Variants in DCAF7 observed in about 807,000 individuals in gnomAD.
DCAF7 encodes DDB1- and CUL4-associated factor 7.
In DCAF7, 4 loss-of-function variants were observed where a neutral mutation model predicts 41.2. That is an observed-to-expected ratio of 0.10 (90% CI 0.05 to 0.22). The LOEUF (loss-of-function observed/expected upper bound fraction) is 0.22. DCAF7 is among the 10% of genes least tolerant of loss of function. The pLI, the probability that DCAF7 is intolerant of heterozygous loss-of-function variation, is 1.00. For synonymous variants in DCAF7, 143 were observed against 164.2 expected, an observed-to-expected ratio of 0.87 and a Z score of 0.99; for missense variants, 131 against 443.2, an observed-to-expected ratio of 0.30 and a Z score of 6.32.
chr17:63,585,232 G>A lies in DCAF7; in HGVS notation c.760G>A (p.Val254Ile). 5 of 1,613,918 alleles carry A rather than the reference G, an allele frequency of 3.1e-6. No homozygotes were observed. The highest frequency in any genetic ancestry group is 1.1e-5 in the South Asian group (1 of 91,070). The change falls in exon 6 of 7, where the codon GTT (valine) becomes ATT (isoleucine). Residue 254 changes from valine to isoleucine, a missense_variant. Physicochemically the swap from Val to Ile is conservative, Grantham distance 29 (BLOSUM62 3). Transcript: ENST00000614556. Reference sequence around the variant, plus strand: ...GCAGGTGGTGATTCTAGATGTCCGGGTTCCCTGCACACCTGTCGCCAGGTT... The same window carrying A: ...GCAGGTGGTGATTCTAGATGTCCGGATTCCCTGCACACCTGTCGCCAGGTT... Reference protein sequence around the residue: ...GMEVVILDVRVPCTPVARLNN... With the variant: ...GMEVVILDVRIPCTPVARLNN...
intron 1 of DCAF7, among the ~76,000 whole-genome samples, chr17:63,576,289 A>T (rs915233966): frequency 1.3e-5 from 2 of 152,056 alleles, no homozygotes; most frequent in Non-Finnish European, 1.5e-5. Context: ...TAAAAATATT[A>T]AAAAATTAGC....
At chr17:63,562,419 A>T (rs1434144510) in intron 1 of DCAF7, among the ~76,000 whole-genome samples, 1 of 152,222 alleles carries the variant, frequency 6.6e-6, no homozygotes, top group Non-Finnish European at 1.5e-5. Context: ...TCAACAAAGG[A>T]AAAGATTGGC....
In DCAF7 at chr17:63,593,763, C is replaced by G. The variant is rs977791571; in HGVS notation, c.*4591C>G. ...CCCTCTTGTCAGTGACCTTCCTTCC[C>G]CACCCCACCCAGAGTGAATTTGTAG... On this transcript the variant is annotated 3_prime_UTR_variant, in exon 7 of 7. Transcript: ENST00000614556. 1 of 152,608 alleles carries G rather than the reference C, an allele frequency of 6.6e-6. No individual in the cohort carries two copies. The highest frequency in any genetic ancestry group is 6.5e-5 in the Admixed American group (1 of 15,284). The allele number at this position is 152,608 out of a possible 1,614,324, so 9.5% of individuals were successfully genotyped here.
intron 6 of DCAF7, among the ~76,000 whole-genome samples, chr17:63,587,600 T>C (rs1450204329): frequency 6.6e-6 from 1 of 152,132 alleles, no homozygotes; most frequent in African/African-American, 2.4e-5. Flanking sequence ...CTCTTGGCAT[T>C]GATTGTCCCT....
chr17:63,559,387 GTATATA>G (rs59755195), intron 1 of DCAF7, among the ~76,000 whole-genome samples: 1 of 37,462 alleles, frequency 2.7e-5, no homozygotes, highest in Non-Finnish European at 5.9e-5. Context: ...GTATATATAT[GTATATA>G]TATATGTATA....
At chr17:63,558,841 A>G (rs2033338150) in intron 1 of DCAF7, among the ~76,000 whole-genome samples, 1 of 152,204 alleles carries the variant, frequency 6.6e-6, no homozygotes, top group Admixed American at 6.5e-5. Context: ...ACATGCACAC[A>G]TTGTCAAAAA....
Position 63,585,401 on chromosome 17 carries a change from G to A in DCAF7, c.856+73G>A. The A allele has an allele frequency of 2.3e-6, 3 of 1,329,972 alleles. No homozygotes were observed. The Admixed American group carries it at 5.3e-5, about 23-fold the overall frequency. 82.4% of individuals were successfully genotyped at this position (1,329,972 alleles called of 1,614,324 possible). ...GTTCTCTTGGCTCCTTAGAATTGTAGTTGTTACTGTTTTCTAAGCACAGTC... is the reference window on the plus strand; with the variant it reads ...GTTCTCTTGGCTCCTTAGAATTGTAATTGTTACTGTTTTCTAAGCACAGTC... On this transcript the variant is annotated intron_variant, in intron 6 of 6. Coordinates refer to ENST00000614556, the MANE Select transcript of DCAF7 (RefSeq NM_005828.5).
chr17:63,551,120 A>G (rs1299809811), intron 1 of DCAF7, among the ~76,000 whole-genome samples: 1 of 151,932 alleles, frequency 6.6e-6, no homozygotes, highest in African/African-American at 2.4e-5. Flanking sequence ...CCCCAAAGAT[A>G]CTCCATTTAT....
At chr17:63,572,308 G>C (rs987743602) in intron 1 of DCAF7, among the ~76,000 whole-genome samples, 8 of 152,188 alleles carry the variant, frequency 5.3e-5, no homozygotes, top group African/African-American at 1.7e-4. Flanking sequence ...GGTTAAGTGG[G>C]GAGCCCTAGA....
chr17:63,587,485 T>G (rs2033689491), intron 6 of DCAF7, among the ~76,000 whole-genome samples: 1 of 152,198 alleles, frequency 6.6e-6, no homozygotes, highest in South Asian at 2.1e-4. Context: ...TTTTGTGTGT[T>G]GCACCTGCCT....
chr17:63,579,777 A>C, intron 3 of DCAF7, 48 bp from the exon 4 acceptor site: 1 of 1,489,708 alleles, frequency 6.7e-7, no homozygotes, highest in East Asian at 2.3e-5. Context: ...GGAAGCTTGC[A>C]TGAGAACCTT....
At chr17:63,568,081 C>T (rs1008513038) in intron 1 of DCAF7, among the ~76,000 whole-genome samples, 3 of 152,070 alleles carry the variant, frequency 2.0e-5, no homozygotes, top group Admixed American at 1.3e-4. Context: ...AGTGCAGTGG[C>T]GTGATCTCAG....
intron 4 of DCAF7, among the ~76,000 whole-genome samples, chr17:63,581,089 C>T (rs1287711462): frequency 2.0e-5 from 3 of 152,144 alleles, no homozygotes; most frequent in Non-Finnish European, 4.4e-5. Context: ...TTGTCTTTGG[C>T]TTTCTGTACT....
chr17:63,579,686 C>A, intron 3 of DCAF7, 139 bp from the exon 4 acceptor site: 1 of 754,588 alleles, frequency 1.3e-6, no homozygotes. Flanking sequence ...CTCGGTGGCT[C>A]TGCCGGTAGC....
At chr17:63,583,802 G>C (rs1194521557) in intron 5 of DCAF7, 91 bp downstream of exon 5, 5 of 1,301,772 alleles carry the variant, frequency 3.8e-6, no homozygotes, top group Non-Finnish European at 5.4e-6. Context: ...GGAGCAGTTT[G>C]GCTCCCGGAG....
intron 1 of DCAF7, among the ~76,000 whole-genome samples, chr17:63,552,010 G>A (rs2033262628): frequency 6.6e-6 from 1 of 151,154 alleles, no homozygotes; most frequent in Non-Finnish European, 1.5e-5. Context: ...CCTGGGAGGC[G>A]GAGGTTGCAG....
chr17:63,586,552 T>C (rs570998300), intron 6 of DCAF7, among the ~76,000 whole-genome samples: 1 of 151,976 alleles, frequency 6.6e-6, no homozygotes, highest in East Asian at 1.9e-4. Context: ...GATCACGAGG[T>C]CAGGAGATCA....
chr17:63,553,733 A>G (rs991974771), intron 1 of DCAF7, among the ~76,000 whole-genome samples: 1 of 152,216 alleles, frequency 6.6e-6, no homozygotes, highest in African/African-American at 2.4e-5. Flanking sequence ...TAATTTTTAA[A>G]AATTTGCATT....
intron 1 of DCAF7, among the ~76,000 whole-genome samples, chr17:63,571,771 T>G (rs1383445321): frequency 6.6e-6 from 1 of 152,070 alleles, no homozygotes; most frequent in Non-Finnish European, 1.5e-5. Context: ...GTACTATTTT[T>G]CAGAGATTGT....
Sources: allele counts gnomAD v4.1 joint callset (sites outside exome capture counted in the v4.1 genomes callset), GRCh38; gene constraint gnomAD v4.1.1; transcripts MANE v1.5; gene names NCBI Gene and HGNC (gene_info 2026-07-23, HGNC 2026-07-21).